Variants in CNGA1 observed in about 807,000 individuals in gnomAD.
The protein encoded by CNGA1 is cyclic nucleotide gated channel subunit alpha 1, also known as cyclic nucleotide-gated channel alpha-1.
In CNGA1, 53 loss-of-function variants were observed where a neutral mutation model predicts 69.7. The ratio of observed to expected loss-of-function variants is 0.76; its 90% confidence interval spans 0.61 to 0.96. The LOEUF (loss-of-function observed/expected upper bound fraction) is 0.96. Ranked by LOEUF, CNGA1 falls within the 40% of genes least tolerant of loss-of-function variation. CNGA1 has a pLI of 0.00. For missense variants in CNGA1, 739 were observed against 811.2 expected (o/e 0.91, Z 1.08); for synonymous variants, 249 against 283.5 (o/e 0.88, Z 1.22).
intron 3 of CNGA1, among the ~76,000 whole-genome samples, chr4:47,980,804 C>G (rs565481415): frequency 6.6e-6 from 1 of 151,708 alleles, no homozygotes; most frequent in African/African-American, 2.4e-5. Flanking sequence ...AAAATATACA[C>G]GCTTATCACA....
In CNGA1 at chr4:47,937,765, G is replaced by A. The variant is rs1189333843; in HGVS notation, c.717C>T (p.Asn239=). Residue 239 remains asparagine (N), a synonymous_variant, in exon 11 of 11, where the codon AAC becomes AAT. Coordinates refer to ENST00000514170, the MANE Select transcript of CNGA1 (RefSeq NM_001379270.1). ...ELKLINKYKS[N]LQFKLDVLSL... ...ACAGAACATCAAGTTTAAATTGCAA[G>A]TTGGATTTATATTTATTTATGAGTT... is the stretch of plus-strand genomic sequence containing the variant. 3.7e-6 allele frequency: 6 copies of A among 1,613,482 alleles called. No individual in the cohort carries two copies. In the African/African-American group the frequency reaches 6.7e-5, roughly 18 times the overall value.
chr4:47,943,323 A>T, intron 7 of CNGA1, 35 bp from the exon 8 acceptor site: 1 of 1,542,144 alleles, frequency 6.5e-7, no homozygotes, highest in East Asian at 2.5e-5. Flanking sequence ...TAAAATACAG[A>T]AATGTTATGG....
At chr4:47,942,622 TAGGAACCCAGCGGGCCACACAGCAGG>T (rs1426657622) in intron 8 of CNGA1, among the ~76,000 whole-genome samples, 1 of 152,000 alleles carries the variant, frequency 6.6e-6, no homozygotes, top group Non-Finnish European at 1.5e-5. Flanking sequence ...TGTGGTCTGT[TAGGAACCCAGCGGGCCACACAGCAGG>T]AGGTGAGCTG....
chr4:47,937,897 C>T, intron 10 of CNGA1, 68 bp from the exon 11 acceptor site: 1 of 1,229,336 alleles, frequency 8.1e-7, no homozygotes, highest in Non-Finnish European at 1.2e-6. Flanking sequence ...TTGTGAATAA[C>T]TGTCAATTAA....
chr4:48,004,116 G>C (rs1714786480), intron 2 of CNGA1, among the ~76,000 whole-genome samples: 1 of 152,138 alleles, frequency 6.6e-6, no homozygotes, highest in South Asian at 2.1e-4. Flanking sequence ...CTAAGTCTCT[G>C]AGAAGCAGAA....
chr4:48,011,517 T>C (rs1001930888), intron 1 of CNGA1, among the ~76,000 whole-genome samples: 1 of 152,142 alleles, frequency 6.6e-6, no homozygotes, highest in African/African-American at 2.4e-5. Flanking sequence ...ATTACTATTG[T>C]CAGTGAAAAG....
chr4:47,976,998 T>C (rs547945003), intron 3 of CNGA1, among the ~76,000 whole-genome samples: 2 of 152,248 alleles, frequency 1.3e-5, no homozygotes, highest in East Asian at 1.9e-4. Context: ...GAAAGATGAA[T>C]AGGAGTTTGC....
chr4:47,954,581 C>T (rs578218826), intron 3 of CNGA1, among the ~76,000 whole-genome samples: 1 of 152,304 alleles, frequency 6.6e-6, no homozygotes, highest in South Asian at 2.1e-4. Context: ...GATGACATCG[C>T]CTGCATCTTC....
chr4:47,957,196 A>G (rs889485857), intron 3 of CNGA1, among the ~76,000 whole-genome samples: 6 of 152,108 alleles, frequency 3.9e-5, no homozygotes, highest in African/African-American at 1.4e-4. Flanking sequence ...TCAGTCTCCC[A>G]AAGTGCTGAG....
At chr4:47,946,755 C>T (rs1739419263) in intron 6 of CNGA1, among the ~76,000 whole-genome samples, 1 of 144,852 alleles carries the variant, frequency 6.9e-6, no homozygotes, top group South Asian at 2.3e-4. Flanking sequence ...GCAGGTGGCT[C>T]AGTACCCTTC....
At position 47,936,749 on chromosome 4, in the gene CNGA1, A is replaced by G; in HGVS notation, c.1733T>C (p.Met578Thr). ...DLFCLSKDDL[M>T]EALTEYPDAK... is the part of the protein sequence containing the mutation. ...ATCTGGGTACTCAGTTAGAGCTTCC[A>G]TGAGGTCATCTTTTGAGAGACAGAA... The change falls in exon 11 of 11, where the codon ATG becomes ACG. Residue 578 changes from methionine (M) to threonine (T), a missense_variant. Transcript: ENST00000514170. 6.2e-7 allele frequency: 1 copy of G among 1,614,188 alleles called. No homozygotes were observed. The highest frequency in any genetic ancestry group is 8.5e-7 in the Non-Finnish European group (1 of 1,180,028).
At chr4:47,985,120 T>A (rs1741924221) in intron 2 of CNGA1, among the ~76,000 whole-genome samples, 1 of 152,188 alleles carries the variant, frequency 6.6e-6, no homozygotes, top group Non-Finnish European at 1.5e-5. Context: ...TAATAATATC[T>A]AGTAGGTTTA....
chr4:47,969,570 A>T (rs10938513), intron 3 of CNGA1, among the ~76,000 whole-genome samples: 80,427 of 151,738 alleles, frequency 0.53, 23,041 homozygotes, highest in Non-Finnish European at 0.64. Flanking sequence ...CCCGGGTTCA[A>T]GCAATTCTCC....
intron 2 of CNGA1, among the ~76,000 whole-genome samples, chr4:48,004,878 G>A (rs1029808396): frequency 1.3e-5 from 2 of 151,922 alleles, no homozygotes; most frequent in African/African-American, 4.8e-5. Context: ...TGGGGGAGTG[G>A]GGGTGGGGGT....
Position 47,937,243 on chromosome 4 carries a change from G to T in CNGA1, c.1239C>A (p.Ile413=). The T allele has an allele frequency of 1.9e-6, 3 of 1,614,014 alleles. No homozygotes were observed. Among genetic ancestry groups the T allele is most frequent in the Non-Finnish European group, 2.5e-6 (3 of 1,180,018 alleles). The change falls in exon 11 of 11, where the codon ATC becomes ATA. Residue 413 remains isoleucine, a synonymous_variant. Transcript: ENST00000514170. ...RAEFQARIDA[I]KQYMHFRNVS... Reference sequence around the variant, plus strand: ...CATTTCGAAAATGCATATATTGCTTGATAGCATCAATTCTTGCTTGAAATT... The same window carrying T: ...CATTTCGAAAATGCATATATTGCTTTATAGCATCAATTCTTGCTTGAAATT...
At chr4:48,014,290 TC>T in intron 1 of CNGA1, among the ~76,000 whole-genome samples, 1 of 152,302 alleles carries the variant, frequency 6.6e-6, no homozygotes, top group South Asian at 2.1e-4. Flanking sequence ...CCCAAAGTCA[TC>T]TAGAAATTAT....
intron 2 of CNGA1, among the ~76,000 whole-genome samples, chr4:48,004,212 C>T (rs187771994): frequency 6.8e-4 from 103 of 152,314 alleles, no homozygotes; most frequent in African/African-American, 2.0e-3. Context: ...CCAGTGGACA[C>T]GTGACCCATG....
chr4:48,013,876 T>C (rs2109359472), intron 1 of CNGA1, among the ~76,000 whole-genome samples: 1 of 152,276 alleles, frequency 6.6e-6, no homozygotes, highest in African/African-American at 2.4e-5. Flanking sequence ...TCTTATTCCT[T>C]GCCCCAGAAA....
intron 2 of CNGA1, among the ~76,000 whole-genome samples, chr4:47,983,678 A>C (rs1741850322): frequency 1.3e-5 from 2 of 152,232 alleles, no homozygotes; most frequent in African/African-American, 4.8e-5. Flanking sequence ...GCAGTGTCTT[A>C]AGTCTATCTC....
Sources: allele counts gnomAD v4.1 joint callset (sites outside exome capture counted in the v4.1 genomes callset), GRCh38; gene constraint gnomAD v4.1.1; transcripts MANE v1.5; gene names NCBI Gene and HGNC (gene_info 2026-07-23, HGNC 2026-07-21).